ANKRD36C: variants seen among roughly 807,000 people sequenced by gnomAD.
ANKRD36C encodes the protein ankyrin repeat domain-containing protein 36C.
Under a neutral mutation model 276.4 loss-of-function variants are expected in ANKRD36C, and 61 were observed. The ratio of observed to expected loss-of-function variants is 0.22; its 90% confidence interval spans 0.18 to 0.27. The LOEUF (loss-of-function observed/expected upper bound fraction) is 0.27, where lower values mean the gene tolerates loss of function less well. Among genes scored for constraint, ANKRD36C ranks in the 10% least tolerant of loss-of-function variants. The pLI, the probability that ANKRD36C is intolerant of heterozygous loss-of-function variation, is 1.00. For synonymous variants in ANKRD36C, 483 were observed against 680.1 expected, an observed-to-expected ratio of 0.71 and a Z score of 4.51; for missense variants, 1,447 against 2,032.3, an observed-to-expected ratio of 0.71 and a Z score of 5.54.
intron 6 of ANKRD36C, among the ~76,000 whole-genome samples, chr2:95,974,518 T>A (rs1573814225): frequency 6.6e-6 from 1 of 151,964 alleles, no homozygotes; most frequent in East Asian, 1.9e-4. Context: ...TTACAAGAGG[T>A]CATGAAAAGG....
At chr2:95,858,333 T>G (rs567946780) in intron 61 of ANKRD36C, among the ~76,000 whole-genome samples, 126 of 152,336 alleles carry the variant, frequency 8.3e-4, no homozygotes, top group Non-Finnish European at 1.6e-3. Flanking sequence ...AAAATTTCTA[T>G]GTTCTTAAAT....
chr2:95,936,728 C>G (rs1677729064), intron 22 of ANKRD36C, among the ~76,000 whole-genome samples: 1 of 152,232 alleles, frequency 6.6e-6, no homozygotes, highest in Non-Finnish European at 1.5e-5. Flanking sequence ...ATCTCACTAT[C>G]TGGTCTTCAT....
Position 95,910,629 on chromosome 2 carries a change from T to A in ANKRD36C, c.2653+1615A>T. The A allele has an allele frequency of 3.1e-6, 5 of 1,599,508 alleles. No individual in the cohort carries two copies. In the South Asian group the frequency reaches 3.3e-5, roughly 11 times the overall value. Reference sequence around the variant, plus strand: ...TAAATATGACAAAGATATCCATACATTCATGCAGCGTTAGCATCAAACTCT... The same window carrying A: ...TAAATATGACAAAGATATCCATACAATCATGCAGCGTTAGCATCAAACTCT... On this transcript the variant is annotated intron_variant, in intron 42 of 66. Coordinates refer to ENST00000456556, the Ensembl canonical transcript of ANKRD36C.
At chr2:95,955,068 C>G (rs1411077457) in intron 13 of ANKRD36C, among the ~76,000 whole-genome samples, 1 of 152,276 alleles carries the variant, frequency 6.6e-6, no homozygotes, top group Non-Finnish European at 1.5e-5. Flanking sequence ...AATGAAGCTT[C>G]ATTGCTGGTT....
intron 6 of ANKRD36C, among the ~76,000 whole-genome samples, chr2:95,975,218 G>T (rs1404919957): frequency 2.0e-5 from 3 of 152,190 alleles, no homozygotes; most frequent in Non-Finnish European, 2.9e-5. Context: ...GTAATTTATA[G>T]ATTCAATGCC....
Position 95,919,492 on chromosome 2 carries a change from T to C in ANKRD36C, c.2246-1450A>G, listed in dbSNP as rs528653745. 1.8e-4 allele frequency among the ~76,000 whole-genome samples: 24 copies of C among 133,280 alleles called. 1 individual carries two copies. Among genetic ancestry groups the C allele is most frequent in the African/African-American group, 6.2e-4 (24 of 38,960 alleles). 87.4% of individuals were successfully genotyped at this position (133,280 alleles called of 152,430 possible). ...CCCTTATGTCTTGAACTGCTCTCCCTATTTCTTCTTCCCAATTTCAATGTG... is the reference window on the plus strand; with the variant it reads ...CCCTTATGTCTTGAACTGCTCTCCCCATTTCTTCTTCCCAATTTCAATGTG... On this transcript the variant is annotated intron_variant, in intron 34 of 66. Transcript: ENST00000456556.
intron 54 of ANKRD36C, among the ~76,000 whole-genome samples, chr2:95,883,222 A>T (rs1467045919): frequency 5.3e-5 from 8 of 152,108 alleles, no homozygotes; most frequent in African/African-American, 1.9e-4. Flanking sequence ...TGACATACTT[A>T]TACAAAATAA....
chr2:95,916,892 A>C (rs918441306), intron 36 of ANKRD36C, among the ~76,000 whole-genome samples: 5 of 151,654 alleles, frequency 3.3e-5, no homozygotes, highest in African/African-American at 7.2e-5. Context: ...TGACATACGT[A>C]TACAAAGTAA....
At chr2:95,862,979 T>C (rs560562020) in intron 60 of ANKRD36C, among the ~76,000 whole-genome samples, 1 of 151,906 alleles carries the variant, frequency 6.6e-6, no homozygotes, top group South Asian at 2.1e-4. Flanking sequence ...AATCAACTTC[T>C]GTTGTTTGAA....
intron 42 of ANKRD36C, among the ~76,000 whole-genome samples, chr2:95,904,307 GTCA>G (rs1676737654): frequency 7.0e-6 from 1 of 142,968 alleles, no homozygotes; most frequent in Admixed American, 7.2e-5. Context: ...CTCACAATCC[GTCA>G]TCCTTGGGAA....
chr2:95,955,145 A>G (rs1319350096), intron 13 of ANKRD36C, among the ~76,000 whole-genome samples: 2 of 152,248 alleles, frequency 1.3e-5, no homozygotes, highest in Non-Finnish European at 2.9e-5. Context: ...GAGTCAGAAA[A>G]AAAGAGACAT....
intron 58 of ANKRD36C, 105 bp downstream of exon 78, chr2:95,880,321 GA>G (rs1376242199): frequency 1.7e-6 from 2 of 1,167,388 alleles, no homozygotes; most frequent in Non-Finnish European, 2.4e-6. Flanking sequence ...ATGAAATCCT[GA>G]AATAAAATAT....
At chr2:95,952,959 T>C (rs1456373637) in intron 14 of ANKRD36C, among the ~76,000 whole-genome samples, 1 of 152,264 alleles carries the variant, frequency 6.6e-6, no homozygotes, top group Admixed American at 6.5e-5. Context: ...TTTCAATAAC[T>C]AAGCACAAAA....
intron 26 of ANKRD36C, among the ~76,000 whole-genome samples, chr2:95,928,024 C>G (rs544057289): frequency 1.3e-5 from 2 of 151,712 alleles, no homozygotes; most frequent in East Asian, 1.9e-4. Context: ...ACTAGTTTAG[C>G]CTTCTGAAAG....
At position 95,855,298 on chromosome 2, in the gene ANKRD36C, AT is replaced by A; in HGVS notation, c.4962del (p.Lys1654AsnfsTer13). The A allele has an allele frequency of 4.4e-6, 7 of 1,601,466 alleles. No individual in the cohort carries two copies. The highest frequency in any genetic ancestry group is 3.5e-5 in the Admixed American group (2 of 57,562). ...TCTGCTTTCTCTTTTTCATATTGGC[AT>A]TTTTTTTCTTTCGAATGATTCAATT... On this transcript the variant is annotated frameshift_variant, in exon 63 of 67. Transcript: ENST00000456556. LOFTEE classifies it high-confidence loss of function.
chr2:95,925,431 G>A lies in ANKRD36C; in HGVS notation c.1969-7C>T, dbSNP rs1325430299. 1 of 1,552,132 alleles carries A rather than the reference G, an allele frequency of 6.4e-7. No homozygotes were observed. ...CTTTCTTTTTAAATATAACCTGAAT[G>A]GAAAGAGAAACAAAATAGTCAATAC... On this transcript the variant is annotated splice_polypyrimidine_tract_variant and splice_region_variant and intron_variant, in intron 29 of 66. Transcript: ENST00000456556.
intron 44 of ANKRD36C, 86 bp from the exon 65 acceptor site, chr2:95,891,946 T>A: frequency 5.8e-6 from 9 of 1,539,454 alleles, no homozygotes; most frequent in Non-Finnish European, 7.9e-6. Flanking sequence ...CATCAACCTC[T>A]GTCCTCCTGC....
intron 24 of ANKRD36C, among the ~76,000 whole-genome samples, chr2:95,935,218 A>T (rs1458082303): frequency 2.8e-5 from 2 of 71,332 alleles, no homozygotes; most frequent in African/African-American, 1.1e-4. Context: ...CCACACTGGG[A>T]TCTTTATTAC....
chr2:95,986,605 A>G, intron 3 of ANKRD36C, 146 bp downstream of exon 3: 1 of 1,113,912 alleles, frequency 9.0e-7, no homozygotes, highest in South Asian at 2.2e-5. Flanking sequence ...AATTTAAAGT[A>G]AAATCTTAGA....
Sources: gnomAD v4.1 joint callset for allele counts (sites outside exome capture counted in the v4.1 genomes callset) on GRCh38, gnomAD v4.1.1 for gene constraint, MANE v1.5 for transcripts, NCBI Gene and HGNC (gene_info 2026-07-23, HGNC 2026-07-21) for gene names.